The following TAB2 variants were observed in gnomAD, a reference collection of about 807,000 sequenced individuals.
TAB2 encodes TGF-beta-activated kinase 1 and MAP3K7-binding protein 2.
Under a neutral mutation model 65.0 loss-of-function variants are expected in TAB2, and 3 were observed. The ratio of observed to expected loss-of-function variants is 0.05; its 90% CI spans 0.02 to 0.12. The LOEUF is 0.12. Among genes scored for constraint, TAB2 ranks in the 10% least tolerant of loss-of-function variants. The probability of loss-of-function intolerance (pLI) is 1.00; values close to 1 mark genes in which losing one functional copy is unlikely to be tolerated. For missense variants in TAB2, 623 were observed against 840.3 expected (o/e 0.74, Z 3.20); for synonymous variants, 298 against 285.1 (o/e 1.05, Z -0.46).
intron 1 of TAB2, among the ~76,000 whole-genome samples, chr6:149,228,060 C>G (rs1008586080): frequency 1.3e-5 from 2 of 152,108 alleles, no homozygotes; most frequent in African/African-American, 2.4e-5. Flanking sequence ...TAGCACCACC[C>G]TATCTGATCA....
chr6:149,285,897 A>G (rs1019332565), intron 1 of TAB2, among the ~76,000 whole-genome samples: 6 of 152,176 alleles, frequency 3.9e-5, no homozygotes, highest in Non-Finnish European at 8.8e-5. Context: ...CATTTCTAGC[A>G]AGTTCCCAGG....
rs767517846 is a variant in TAB2, at chr6:149,278,238, T to C, written c.-121+59462T>C. ...TACACAATGCATAAGAGAAAAAATA[T>C]GAACTCTTCTTCCATGAAGGTTTTC... On this transcript the variant is annotated intron_variant, in intron 1 of 1. Coordinates refer to the TAB2 transcript ENST00000606202. 6.6e-5 allele frequency among the ~76,000 whole-genome samples: 10 copies of C among 152,326 alleles called. No homozygotes were observed. In the South Asian group the frequency reaches 1.9e-3, roughly 28 times the overall value.
intron 1 of TAB2, among the ~76,000 whole-genome samples, chr6:149,237,644 C>T (rs1460145503): frequency 6.6e-6 from 1 of 152,224 alleles, no homozygotes; most frequent in Non-Finnish European, 1.5e-5. Context: ...TCTAGGCGGC[C>T]TCACCTCAGT....
Position 149,397,714 on chromosome 6 carries a change from C to T in TAB2, c.1714C>T (p.Leu572=). 1 of 1,613,986 alleles carries T rather than the reference C, an allele frequency of 6.2e-7. No individual in the cohort carries two copies. ...KSEVNEMENN[L]TRRRLKRSNS... ...TGAGGTTAATGAAATGGAAAATAAT[C>T]TAACTCGAAGGCGCCTGAAAAGATC... The change falls in exon 4 of 7, where the codon CTA becomes TTA. Residue 572 remains leucine (L), a synonymous_variant. Coordinates refer to ENST00000637181, the MANE Select transcript of TAB2 (RefSeq NM_001292034.3).
intron 3 of TAB2, among the ~76,000 whole-genome samples, chr6:149,385,229 A>G (rs886850561): frequency 6.6e-6 from 1 of 152,252 alleles, no homozygotes; most frequent in African/African-American, 2.4e-5. Context: ...TTGTGGCACA[A>G]ATTCAATGAG....
At chr6:149,384,879 A>G (rs1253579148) in intron 3 of TAB2, among the ~76,000 whole-genome samples, 2 of 152,182 alleles carry the variant, frequency 1.3e-5, no homozygotes, top group Non-Finnish European at 2.9e-5. Context: ...AAAAAAACTA[A>G]CATTGCTGCC....
intron 1 of TAB2, among the ~76,000 whole-genome samples, chr6:149,325,725 G>C (rs1779595914): frequency 6.6e-6 from 1 of 152,088 alleles, no homozygotes; most frequent in Non-Finnish European, 1.5e-5. Flanking sequence ...TGTGTAAAAT[G>C]ATCTTTATAC....
chr6:149,384,493 C>A (rs1382481486), intron 3 of TAB2, among the ~76,000 whole-genome samples: 1 of 152,096 alleles, frequency 6.6e-6, no homozygotes, highest in Non-Finnish European at 1.5e-5. Flanking sequence ...TAAGGTACTA[C>A]AGGAATCAGA....
At chr6:149,227,686 A>G (rs1477694294) in intron 1 of TAB2, among the ~76,000 whole-genome samples, 1 of 152,224 alleles carries the variant, frequency 6.6e-6, no homozygotes, top group African/African-American at 2.4e-5. Context: ...ACCTTGGGCA[A>G]GATATAAGTC....
At chr6:149,236,069 TG>T (rs1336467418) in intron 1 of TAB2, among the ~76,000 whole-genome samples, 1 of 152,156 alleles carries the variant, frequency 6.6e-6, no homozygotes, top group Non-Finnish European at 1.5e-5. Flanking sequence ...TCCAGGACAT[TG>T]GAGACTACAA....
At chr6:149,360,834 G>T (rs985263582) in intron 1 of TAB2, among the ~76,000 whole-genome samples, 1 of 152,160 alleles carries the variant, frequency 6.6e-6, no homozygotes, top group Non-Finnish European at 1.5e-5. Flanking sequence ...CAGGCATGGG[G>T]TAAACATTCC....
intron 3 of TAB2, among the ~76,000 whole-genome samples, chr6:149,397,151 T>G (rs1184042574): frequency 6.6e-6 from 1 of 152,090 alleles, no homozygotes; most frequent in Non-Finnish European, 1.5e-5. Flanking sequence ...GTTAAAATGT[T>G]TGGAATTTGG....
chr6:149,351,496 T>C (rs1364331682), intron 1 of TAB2, among the ~76,000 whole-genome samples: 1 of 152,248 alleles, frequency 6.6e-6, no homozygotes, highest in African/African-American at 2.4e-5. Context: ...TTTGAGTTGT[T>C]TTCTCCATTT....
chr6:149,353,930 A>G (rs1780571420), intron 1 of TAB2, among the ~76,000 whole-genome samples: 1 of 152,212 alleles, frequency 6.6e-6, no homozygotes, highest in African/African-American at 2.4e-5. Context: ...ATACACGTAT[A>G]TGTTTTTTAA....
At chr6:149,315,473 AGT>A (rs1779233002), upstream of TAB2, among the ~76,000 whole-genome samples, 1 of 152,150 alleles carries the variant, frequency 6.6e-6, no homozygotes, top group Admixed American at 6.5e-5. Context: ...TTAATATTTC[AGT>A]GTGTTTGCTT....
intron 1 of TAB2, among the ~76,000 whole-genome samples, chr6:149,356,134 C>G (rs374278245): frequency 6.6e-6 from 1 of 152,144 alleles, no homozygotes; most frequent in Non-Finnish European, 1.5e-5. Context: ...CTAGAGAATT[C>G]CAAATGCTTA....
intron 1 of TAB2, among the ~76,000 whole-genome samples, chr6:149,348,530 A>AAC (rs1780377900): frequency 6.6e-6 from 1 of 152,106 alleles, no homozygotes; most frequent in South Asian, 2.1e-4. Context: ...GTTAATGTTA[A>AAC]TAGTCAGTGG....
At chr6:149,244,842 C>G (rs896616561) in intron 1 of TAB2, 2 of 151,858 alleles carry the variant, frequency 1.3e-5, no homozygotes, top group Non-Finnish European at 2.9e-5. Context: ...AAAGATAGCG[C>G]CACTGCATTC....
At chr6:149,244,671 G>A (rs1400170459) in intron 1 of TAB2, 2 of 152,388 alleles carry the variant, frequency 1.3e-5, no homozygotes, top group Admixed American at 1.3e-4. Context: ...AACACTTGAG[G>A]CCAGGAATTC....
Sources: gnomAD v4.1 joint callset for allele counts (sites outside exome capture counted in the v4.1 genomes callset) on GRCh38, gnomAD v4.1.1 for gene constraint, MANE v1.5 for transcripts, NCBI Gene and HGNC (gene_info 2026-07-23, HGNC 2026-07-21) for gene names.